Variants in GLI2 observed in about 807,000 individuals in gnomAD.
GLI2 encodes GLI family zinc finger 2, also known as transcription activator GLI2.
A neutral mutation model predicts 78.9 loss-of-function variants in GLI2; 22 were observed. The ratio of observed to expected loss-of-function variants is 0.28; its 90% CI spans 0.20 to 0.40. GLI2 has a LOEUF of 0.40. Among genes scored for constraint, GLI2 ranks in the 10% least tolerant of loss-of-function variants. The pLI, the probability that GLI2 is intolerant of heterozygous loss-of-function variation, is 1.00. For missense variants in GLI2, 2,097 were observed against 2,213.2 expected (o/e 0.95, Z 1.05); for synonymous variants, 974 against 963.7 (o/e 1.01, Z -0.20).
In GLI2 at chr2:120,851,254, T is replaced by C. The variant is rs72835575; in HGVS notation, c.148+53786T>C. Among the ~76,000 whole-genome samples the C allele has an allele frequency of 5.7e-3, 873 of 152,338 alleles. 5 individuals are homozygous for C. Among genetic ancestry groups the C allele is most frequent in the Non-Finnish European group, 8.2e-3 (556 of 68,022 alleles). On this transcript the variant is annotated intron_variant, in intron 2 of 13. Coordinates refer to ENST00000361492, the MANE Select transcript of GLI2 (RefSeq NM_001374353.1). ...GCATGGAACAGGCCTCTCAGTGGTG[T>C]TCCTGGGACCATGGGCTGGGCCACC...
At chr2:120,882,244 C>T (rs1392051589) in intron 2 of GLI2, among the ~76,000 whole-genome samples, 3 of 152,040 alleles carry the variant, frequency 2.0e-5, no homozygotes, top group Admixed American at 6.5e-5. Flanking sequence ...ACATGGACAA[C>T]GTGAGGGAAG....
intron 2 of GLI2, among the ~76,000 whole-genome samples, chr2:120,864,137 C>T (rs938102524): frequency 6.6e-6 from 1 of 152,058 alleles, no homozygotes; most frequent in Non-Finnish European, 1.5e-5. Flanking sequence ...CTGTGAGGGC[C>T]CGTGTGGGGA....
intron 2 of GLI2, among the ~76,000 whole-genome samples, chr2:120,858,344 G>T (rs1687754180): frequency 6.6e-6 from 1 of 152,158 alleles, no homozygotes; most frequent in South Asian, 2.1e-4. Flanking sequence ...TGGCTAGTGG[G>T]TGATGGTCTC....
intron 3 of GLI2, among the ~76,000 whole-genome samples, chr2:120,931,512 G>A (rs1241106612): frequency 1.3e-5 from 2 of 152,212 alleles, no homozygotes; most frequent in Non-Finnish European, 2.9e-5. Flanking sequence ...TTAGGGTGTG[G>A]ATGTTCTTGG....
At chr2:120,832,528 AG>A in intron 2 of GLI2, among the ~76,000 whole-genome samples, 1 of 152,078 alleles carries the variant, frequency 6.6e-6, no homozygotes, top group Non-Finnish European at 1.5e-5. Flanking sequence ...CTTCTCCTCT[AG>A]GCACACTCGG....
At chr2:120,813,136 C>T (rs903032160) in intron 2 of GLI2, among the ~76,000 whole-genome samples, 33 of 152,230 alleles carry the variant, frequency 2.2e-4, no homozygotes, top group African/African-American at 7.7e-4. Flanking sequence ...CTAATATGGA[C>T]AATGTCCTGG....
At chr2:120,864,738 C>T (rs144825583) in intron 2 of GLI2, among the ~76,000 whole-genome samples, 7 of 152,266 alleles carry the variant, frequency 4.6e-5, no homozygotes, top group Non-Finnish European at 8.8e-5. Context: ...TGAGTCACCG[C>T]GCCCGGCCCC....
At chr2:120,904,412 G>A (rs1678413895) in intron 2 of GLI2, among the ~76,000 whole-genome samples, 1 of 152,202 alleles carries the variant, frequency 6.6e-6, no homozygotes, top group African/African-American at 2.4e-5. Context: ...GCAGGGCCCT[G>A]GGCTCTGAGA....
chr2:120,936,399 G>A (rs1276704327), intron 3 of GLI2, among the ~76,000 whole-genome samples: 1 of 152,104 alleles, frequency 6.6e-6, no homozygotes, highest in Non-Finnish European at 1.5e-5. Context: ...CAGGGTGCTG[G>A]GCCAGTGGTG....
intron 5 of GLI2, 106 bp downstream of exon 5, chr2:120,955,536 G>T (rs142604595): frequency 4.1e-4 from 314 of 761,178 alleles, no homozygotes; most frequent in Non-Finnish European, 5.7e-4. Flanking sequence ...TTAAGGAGAG[G>T]TCGGGCTGTA....
At chr2:120,871,545 G>T (rs1688431838) in intron 2 of GLI2, among the ~76,000 whole-genome samples, 1 of 152,222 alleles carries the variant, frequency 6.6e-6, no homozygotes, top group African/African-American at 2.4e-5. Context: ...GGAGCTGTCA[G>T]ACCGTGGGTG....
chr2:120,932,172 C>T lies in GLI2; in HGVS notation c.254+4706C>T, dbSNP rs534081666. 5.3e-5 allele frequency among the ~76,000 whole-genome samples: 8 copies of T among 152,182 alleles called. No individual in the cohort carries two copies. In the East Asian group the frequency reaches 9.6e-4, roughly 18 times the overall value. ...GATCCATCAAGCCCATGTTGTAGCT[C>T]GCTTCTCCCTGCCAGCACCAAATGT... On this transcript the variant is annotated intron_variant, in intron 3 of 13. Coordinates refer to ENST00000361492, the MANE Select transcript of GLI2 (RefSeq NM_001374353.1).
At chr2:120,776,192 C>T (rs564268400) in intron 1 of GLI2, among the ~76,000 whole-genome samples, 6 of 152,370 alleles carry the variant, frequency 3.9e-5, no homozygotes, top group South Asian at 2.1e-4. Context: ...GGCCTTGACA[C>T]ATATTGACAC....
At chr2:120,870,497 G>A (rs905405277) in intron 2 of GLI2, among the ~76,000 whole-genome samples, 11 of 152,172 alleles carry the variant, frequency 7.2e-5, no homozygotes, top group African/African-American at 2.4e-4. Context: ...GCAGCGACTT[G>A]GTTCAGGTCT....
chr2:120,848,908 A>G (rs1029432640), intron 2 of GLI2, among the ~76,000 whole-genome samples: 11 of 151,886 alleles, frequency 7.2e-5, no homozygotes, highest in African/African-American at 2.7e-4. Flanking sequence ...ACACTCTGTC[A>G]TGTATTACTC....
Position 120,989,212 on chromosome 2 carries a change from C to G in GLI2, c.3247C>G (p.Pro1083Ala), listed in dbSNP as rs1683153759. The G allele has an allele frequency of 1.2e-6, 2 of 1,613,070 alleles. No individual in the cohort carries two copies. Among genetic ancestry groups the G allele is most frequent in the Non-Finnish European group, 1.7e-6 (2 of 1,180,026 alleles). ...TGGCTTCTCTGACAACCCCAGACTACCCAGCCCGGGGCTGCACGGCCAGCG... is the reference window on the plus strand; with the variant it reads ...TGGCTTCTCTGACAACCCCAGACTAGCCAGCCCGGGGCTGCACGGCCAGCG... ...STGFSDNPRLPSPGLHGQRRM... is the reference protein window; with the variant it reads ...STGFSDNPRLASPGLHGQRRM... The change falls in exon 14 of 14, where the codon CCC becomes GCC. Residue 1083 changes from proline (P) to alanine (A), a missense_variant. Physicochemically the swap from Pro to Ala is conservative, Grantham distance 27 (BLOSUM62 -1). This residue lies in a region of GLI2 where 1,290 missense variants were observed against 1,261.7 expected (regional missense o/e 1.02). Transcript: ENST00000361492.
intron 2 of GLI2, among the ~76,000 whole-genome samples, chr2:120,868,881 A>G (rs1318693129): frequency 6.6e-6 from 1 of 152,014 alleles, no homozygotes; most frequent in Non-Finnish European, 1.5e-5. Flanking sequence ...AGCTCAAGGA[A>G]GAGGGGAAAG....
intron 2 of GLI2, among the ~76,000 whole-genome samples, chr2:120,883,075 G>A (rs550110042): frequency 6.6e-6 from 1 of 152,124 alleles, no homozygotes; most frequent in African/African-American, 2.4e-5. Context: ...CATATAAATG[G>A]CATCATAAAG....
At chr2:120,796,205 C>T (rs556604028) in intron 1 of GLI2, among the ~76,000 whole-genome samples, 1 of 152,296 alleles carries the variant, frequency 6.6e-6, no homozygotes, top group Non-Finnish European at 1.5e-5. Flanking sequence ...GGTGTTCCTC[C>T]CTTGCTCACA....
Sources: allele counts gnomAD v4.1 joint callset (sites outside exome capture counted in the v4.1 genomes callset), GRCh38; gene constraint gnomAD v4.1.1; regional missense constraint gnomAD v4.1.1; transcripts MANE v1.5; gene names NCBI Gene and HGNC (gene_info 2026-07-23, HGNC 2026-07-21).